Variants in KMT2C observed in about 807,000 individuals in gnomAD.
KMT2C encodes the protein lysine methyltransferase 2C.
A neutral mutation model predicts 507.9 loss-of-function variants in KMT2C; 88 were observed. The observed-to-expected ratio is 0.17, with a 90% CI of 0.15 to 0.21. The LOEUF (loss-of-function observed/expected upper bound fraction) is 0.21. KMT2C is among the 10% of genes least tolerant of loss of function. The pLI, the probability that KMT2C is intolerant of heterozygous loss-of-function variation, is 1.00. For missense variants in KMT2C, 4,954 were observed against 5,957.8 expected (o/e 0.83, Z 5.55); for synonymous variants, 2,049 against 2,080.8 (o/e 0.98, Z 0.42).
intron 1 of KMT2C, among the ~76,000 whole-genome samples, chr7:152,409,457 C>A (rs1256062219): frequency 6.6e-6 from 1 of 151,824 alleles, no homozygotes; most frequent in African/African-American, 2.4e-5. Flanking sequence ...GTGGCTCACG[C>A]CTGTAATCCC....
intron 6 of KMT2C, among the ~76,000 whole-genome samples, chr7:152,293,762 C>A (rs2096458801): frequency 6.6e-6 from 1 of 152,174 alleles, no homozygotes; most frequent in Admixed American, 6.5e-5. Flanking sequence ...AATAGGCATA[C>A]AAAACTCTTA....
At chr7:152,156,942 T>G (rs1436613872) in intron 44 of KMT2C, among the ~76,000 whole-genome samples, 1 of 152,218 alleles carries the variant, frequency 6.6e-6, no homozygotes, top group Admixed American at 6.5e-5. Context: ...TGTCATTTAC[T>G]GATTAGTCTC....
chr7:152,388,239 A>T (rs369498148), intron 1 of KMT2C, among the ~76,000 whole-genome samples: 138 of 142,516 alleles, frequency 9.7e-4, no homozygotes, highest in Middle Eastern at 3.8e-3. Context: ...CTGTTTAAAT[A>T]CACATATCCA....
In KMT2C at chr7:152,196,909, T is replaced by C. The variant is rs899002390; in HGVS notation, c.4274-898A>G. On this transcript the variant is annotated intron_variant, in intron 27 of 58. Transcript: ENST00000262189. ...AGAGTGTTAACAGTAAGAAAAACTG[T>C]GGTAAGGATAAAAAAGAGGCAGCTA... is the stretch of plus-strand genomic sequence containing the variant. Among the ~76,000 whole-genome samples the C allele has an allele frequency of 7.2e-5, 11 of 151,884 alleles. No individual in the cohort carries two copies. The East Asian group carries it at 1.9e-3, about 27-fold the overall frequency.
At chr7:152,433,081 G>C (rs1171234642) in intron 1 of KMT2C, among the ~76,000 whole-genome samples, 1 of 151,712 alleles carries the variant, frequency 6.6e-6, no homozygotes, top group African/African-American at 2.4e-5. Context: ...ACACGAGGCA[G>C]AGGTTGCGGT....
At chr7:152,192,599 A>G (rs547221532) in intron 31 of KMT2C, among the ~76,000 whole-genome samples, 4 of 152,280 alleles carry the variant, frequency 2.6e-5, no homozygotes, top group South Asian at 4.1e-4. Flanking sequence ...TAGTTATATG[A>G]TAAGTATATT....
chr7:152,434,058 G>C (rs1245593992), intron 1 of KMT2C, among the ~76,000 whole-genome samples: 1 of 152,164 alleles, frequency 6.6e-6, no homozygotes, highest in African/African-American at 2.4e-5. Flanking sequence ...CCCCAATATG[G>C]CTTGTCCTGA....
chr7:152,145,578 C>T (rs1053381965), intron 53 of KMT2C, among the ~76,000 whole-genome samples: 4 of 152,216 alleles, frequency 2.6e-5, no homozygotes, highest in Non-Finnish European at 2.9e-5. Flanking sequence ...CCAATATACA[C>T]GCTTGTGTGA....
At chr7:152,368,037 GA>G in intron 1 of KMT2C, 4 of 846,578 alleles carry the variant, frequency 4.7e-6, no homozygotes, top group Admixed American at 1.9e-5. Flanking sequence ...AGAAATAGAT[GA>G]TGAAGAAGAA....
chr7:152,424,151 C>T (rs1358207123), intron 1 of KMT2C, among the ~76,000 whole-genome samples: 1 of 151,958 alleles, frequency 6.6e-6, no homozygotes, highest in Non-Finnish European at 1.5e-5. Flanking sequence ...GTTCTGTCAC[C>T]CAGGCTGGGT....
chr7:152,192,197 G>A (rs2093816617), intron 31 of KMT2C, among the ~76,000 whole-genome samples: 1 of 152,068 alleles, frequency 6.6e-6, no homozygotes, highest in Non-Finnish European at 1.5e-5. Context: ...ATAAAGACAG[G>A]TCATTTTTAT....
intron 34 of KMT2C, among the ~76,000 whole-genome samples, 190 bp downstream of exon 34, chr7:152,185,368 C>T (rs2093594319): frequency 6.6e-6 from 1 of 152,100 alleles, no homozygotes; most frequent in African/African-American, 2.4e-5. Context: ...TATTAACTTG[C>T]TTATAAAAAT....
chr7:152,180,103 AATG>A lies in KMT2C; in HGVS notation c.7170_7172del (p.Ile2391del), dbSNP rs1359996772. On this transcript the variant is annotated inframe_deletion, in exon 37 of 59. Transcript: ENST00000262189. ...TCTTCTTCTGCTGTTGCTGCTGGAGAATGATTTCACGTAACTTCTGCCGCTAAA... is the reference window on the plus strand; with the variant it reads ...TCTTCTTCTGCTGTTGCTGCTGGAGAATTTCACGTAACTTCTGCCGCTAAA... 25 of 1,613,974 alleles carry A rather than the reference AATG, an allele frequency of 1.5e-5. No individual in the cohort carries two copies. Among genetic ancestry groups the A allele is most frequent in the Non-Finnish European group, 2.1e-5 (25 of 1,180,028 alleles).
In KMT2C at chr7:152,276,630, A is replaced by G. The variant is rs955445149; in HGVS notation, c.850-2763T>C. 1.9e-3 allele frequency among the ~76,000 whole-genome samples: 295 copies of G among 152,184 alleles called. 1 individual carries two copies. The highest frequency in any genetic ancestry group is 1.6e-3 in the Admixed American group (24 of 15,290). ...TAGGTGGGCATGGTGGCATGCACCT[A>G]TAGTCCCAGCTACTCACGAGCCTGG... On this transcript the variant is annotated intron_variant, in intron 6 of 58. Transcript: ENST00000262189.
At position 152,336,815 on chromosome 7, in the gene KMT2C, C is replaced by T. The variant is rs567009590; in HGVS notation, c.251-6076G>A. On this transcript the variant is annotated intron_variant, in intron 2 of 58. Transcript: ENST00000262189. ...AATCCCTAATATATCTTTTCCCTTA[C>T]TTTGAACCTGACCTAAAATACAGGC... Among the ~76,000 whole-genome samples the T allele has an allele frequency of 2.2e-4, 34 of 152,272 alleles. 2 individuals are homozygous for T. The highest frequency in any genetic ancestry group is 7.7e-4 in the African/African-American group (32 of 41,558).
intron 41 of KMT2C, 36 bp downstream of exon 41, chr7:152,169,150 C>T (rs1436489319): frequency 2.3e-6 from 3 of 1,297,686 alleles, no homozygotes; most frequent in Admixed American, 3.4e-5. Flanking sequence ...GACAAGCAAT[C>T]CCCAGAAAAC....
chr7:152,143,595 C>G (rs2090819004), intron 55 of KMT2C, among the ~76,000 whole-genome samples: 1 of 152,172 alleles, frequency 6.6e-6, no homozygotes, highest in Non-Finnish European at 1.5e-5. Context: ...AGTGCAAACA[C>G]AGAGGAAACA....
rs2129119050 is a variant in KMT2C at position 152,180,736 on chromosome 7, T to C, written c.7124A>G (p.Gln2375Arg). Reference protein sequence around the residue: ...TDTQNTVNMAQADTEKLRQRQ... With the variant: ...TDTQNTVNMARADTEKLRQRQ... ...CTGTCTCAATTTCTCTGTATCTGCTTGGGCCATATTTACAGTATTCTGTGT... is the reference window on the plus strand; with the variant it reads ...CTGTCTCAATTTCTCTGTATCTGCTCGGGCCATATTTACAGTATTCTGTGT... The change falls in exon 36 of 59, where the codon CAA becomes CGA. Residue 2375 changes from glutamine to arginine, a missense_variant. Coordinates refer to ENST00000262189, the MANE Select transcript of KMT2C (RefSeq NM_170606.3). 5.0e-6 allele frequency: 8 copies of C among 1,613,546 alleles called. No individual in the cohort carries two copies. The highest frequency in any genetic ancestry group is 6.8e-6 in the Non-Finnish European group (8 of 1,179,702).
At chr7:152,344,317 G>A (rs1356250233) in intron 2 of KMT2C, among the ~76,000 whole-genome samples, 1 of 152,128 alleles carries the variant, frequency 6.6e-6, no homozygotes, top group Admixed American at 6.5e-5. Flanking sequence ...TACTAAGATG[G>A]CTACTAAGTG....
Sources: allele counts gnomAD v4.1 joint callset (sites outside exome capture counted in the v4.1 genomes callset), GRCh38; gene constraint gnomAD v4.1.1; transcripts MANE v1.5; gene names NCBI Gene and HGNC (gene_info 2026-07-23, HGNC 2026-07-21).